Variants in CNTNAP2 observed in about 807,000 individuals in gnomAD.
CNTNAP2 encodes the protein contactin-associated protein-like 2.
Under a neutral mutation model 155.2 loss-of-function variants are expected in CNTNAP2, and 98 were observed. The observed-to-expected ratio is 0.63, with a 90% confidence interval of 0.54 to 0.75. The LOEUF (loss-of-function observed/expected upper bound fraction) is 0.75. Among genes scored for constraint, CNTNAP2 ranks in the 30% least tolerant of loss-of-function variants. The pLI, the probability that CNTNAP2 is intolerant of heterozygous loss-of-function variation, is 0.00. For synonymous variants in CNTNAP2, 651 were observed against 631.2 expected, an observed-to-expected ratio of 1.03 and a Z score of -0.47; for missense variants, 1,727 against 1,688.1, an observed-to-expected ratio of 1.02 and a Z score of -0.40.
intron 3 of CNTNAP2, among the ~76,000 whole-genome samples, chr7:147,001,815 T>C (rs1323139069): frequency 6.6e-6 from 1 of 151,336 alleles, no homozygotes; most frequent in Middle Eastern, 3.2e-3. Context: ...AAACAAAATA[T>C]AAGGAAAAAA....
intron 19 of CNTNAP2, 152 bp downstream of exon 19, chr7:148,217,676 A>G: frequency 3.5e-6 from 3 of 856,010 alleles, no homozygotes; most frequent in East Asian, 2.6e-5. Flanking sequence ...ATTTCTCTCC[A>G]TGAATATCAG....
intron 8 of CNTNAP2, among the ~76,000 whole-genome samples, chr7:147,196,236 G>A (rs1421671780): frequency 6.6e-6 from 1 of 152,100 alleles, no homozygotes; most frequent in Non-Finnish European, 1.5e-5. Flanking sequence ...GCTTTGTTAT[G>A]GCAGCCCACA....
At chr7:146,898,818 C>T (rs1046387347) in intron 3 of CNTNAP2, among the ~76,000 whole-genome samples, 13 of 151,614 alleles carry the variant, frequency 8.6e-5, no homozygotes, top group African/African-American at 1.9e-4. Context: ...CAGGTGTAGA[C>T]CTTAAAAGGG....
chr7:148,324,794 C>CAAAAAAAAA (rs72157861), intron 21 of CNTNAP2, among the ~76,000 whole-genome samples: 12,689 of 105,236 alleles, frequency 0.12, 1,647 homozygotes, highest in African/African-American at 0.24. Context: ...GACTCCATCT[C>CAAAAAAAAA]AAAAAAAAAA....
intron 13 of CNTNAP2, among the ~76,000 whole-genome samples, chr7:147,676,093 ACTTCAATTTCTATAGAGTT>A (rs58446797): frequency 0.057 from 8,661 of 152,092 alleles, 338 homozygotes; most frequent in Middle Eastern, 0.12. Context: ...AATTCCATTG[ACTTCAATTTCTATAGAGTT>A]CTTCTTTCCT....
chr7:148,142,421 T>C (rs1805093972), intron 16 of CNTNAP2, among the ~76,000 whole-genome samples: 1 of 152,154 alleles, frequency 6.6e-6, no homozygotes, highest in Admixed American at 6.6e-5. Flanking sequence ...AAAAAAGATA[T>C]TGATAACACT....
chr7:146,453,111 A>G (rs1346876472), intron 1 of CNTNAP2, among the ~76,000 whole-genome samples: 1 of 152,186 alleles, frequency 6.6e-6, no homozygotes, highest in African/African-American at 2.4e-5. Flanking sequence ...ACTGGTGGAG[A>G]GGAGAGCACT....
chr7:147,526,814 G>A (rs775214174), intron 11 of CNTNAP2, among the ~76,000 whole-genome samples: 24 of 152,108 alleles, frequency 1.6e-4, no homozygotes, highest in Non-Finnish European at 3.4e-4. Context: ...CAAGTATTAA[G>A]AGAAAGAAGA....
intron 19 of CNTNAP2, among the ~76,000 whole-genome samples, chr7:148,225,713 A>T (rs1207453356): frequency 1.3e-5 from 2 of 152,182 alleles, no homozygotes; most frequent in African/African-American, 4.8e-5. Flanking sequence ...AGCAAAAGAC[A>T]CTGGTGGCTT....
intron 1 of CNTNAP2, among the ~76,000 whole-genome samples, chr7:146,641,710 G>A (rs560164680): frequency 3.9e-5 from 6 of 152,120 alleles, no homozygotes; most frequent in African/African-American, 7.2e-5. Flanking sequence ...GTTTCATGCA[G>A]GTGTTTCGGA....
At chr7:147,191,488 C>A (rs1408547670) in intron 8 of CNTNAP2, among the ~76,000 whole-genome samples, 1 of 152,076 alleles carries the variant, frequency 6.6e-6, no homozygotes, top group African/African-American at 2.4e-5. Flanking sequence ...GGAGTGGAGG[C>A]TGTGGCTTAT....
At chr7:147,668,629 G>A (rs76073908) in intron 13 of CNTNAP2, among the ~76,000 whole-genome samples, 1 of 151,974 alleles carries the variant, frequency 6.6e-6, no homozygotes, top group East Asian at 1.9e-4. Context: ...AAAAATTAAA[G>A]ATTGAAAAAA....
intron 9 of CNTNAP2, among the ~76,000 whole-genome samples, chr7:147,328,450 TA>T (rs1298513607): frequency 2.0e-5 from 3 of 152,202 alleles, no homozygotes; most frequent in African/African-American, 7.2e-5. Context: ...TCCACTACTG[TA>T]GTCACAATGG....
At chr7:147,845,026 T>A (rs1436112145) in intron 13 of CNTNAP2, among the ~76,000 whole-genome samples, 29 of 116,296 alleles carry the variant, frequency 2.5e-4, no homozygotes, top group South Asian at 8.7e-4. Context: ...TTTGCATCAA[T>A]GTTCATCAAG....
chr7:147,045,044 C>T (rs560081085), intron 4 of CNTNAP2, among the ~76,000 whole-genome samples: 11 of 152,238 alleles, frequency 7.2e-5, no homozygotes, highest in South Asian at 2.1e-4. Flanking sequence ...TCTACGAACA[C>T]GTGATTTGCA....
At chr7:146,748,781 C>T (rs923756194) in intron 1 of CNTNAP2, among the ~76,000 whole-genome samples, 1 of 152,156 alleles carries the variant, frequency 6.6e-6, no homozygotes, top group Non-Finnish European at 1.5e-5. Flanking sequence ...ATTAAGAACA[C>T]TATGGAATTT....
At chr7:146,849,204 G>A (rs1544590) in intron 3 of CNTNAP2, among the ~76,000 whole-genome samples, 147,923 of 152,326 alleles carry the variant, frequency 0.97, 71,859 homozygotes, top group East Asian at 1. Context: ...GTCGCCTAGG[G>A]CACATTTTTA....
chr7:146,372,316 T>G (rs1249381190), intron 1 of CNTNAP2, among the ~76,000 whole-genome samples: 1 of 152,218 alleles, frequency 6.6e-6, no homozygotes, highest in Non-Finnish European at 1.5e-5. Flanking sequence ...ATGGCTTATA[T>G]GTATTATAAA....
intron 19 of CNTNAP2, among the ~76,000 whole-genome samples, chr7:148,223,493 G>C (rs1795789491): frequency 6.6e-6 from 1 of 152,162 alleles, no homozygotes; most frequent in African/African-American, 2.4e-5. Flanking sequence ...CCTTATAACT[G>C]CTTTAATTCA....
Sources: allele counts gnomAD v4.1 joint callset (sites outside exome capture counted in the v4.1 genomes callset), GRCh38; gene constraint gnomAD v4.1.1; transcripts MANE v1.5; gene names NCBI Gene and HGNC (gene_info 2026-07-23, HGNC 2026-07-21).